ANO1: variants seen among roughly 807,000 people sequenced by gnomAD.
ANO1 encodes the protein anoctamin-1.
A neutral mutation model predicts 124.0 loss-of-function variants in ANO1; 59 were observed. The observed-to-expected ratio is 0.48, with a 90% CI of 0.39 to 0.59. ANO1 has a LOEUF of 0.59. ANO1 is among the 20% of genes least tolerant of loss of function. The pLI is 0.00. For synonymous variants in ANO1, 529 were observed against 532.0 expected (o/e 0.99, Z 0.08); for missense variants, 1,059 against 1,328.0 (o/e 0.80, Z 3.15).
intron 1 of ANO1, among the ~76,000 whole-genome samples, chr11:70,033,919 T>C (rs552069379): frequency 1.3e-5 from 2 of 152,064 alleles, no homozygotes; most frequent in African/African-American, 2.4e-5. Context: ...ATCTTGACCA[T>C]CTGCTGTCAC....
intron 21 of ANO1, among the ~76,000 whole-genome samples, chr11:70,167,984 A>G (rs1054061375): frequency 1.3e-5 from 2 of 152,186 alleles, no homozygotes; most frequent in Non-Finnish European, 2.9e-5. Flanking sequence ...GGCTGGCGAC[A>G]GCTGCCCCCA....
intron 1 of ANO1, among the ~76,000 whole-genome samples, chr11:70,014,012 A>G (rs1476419427): frequency 6.6e-6 from 1 of 151,406 alleles, no homozygotes; most frequent in African/African-American, 2.4e-5. Flanking sequence ...AGAGAGAGAG[A>G]GAGAGAGATC....
chr11:70,124,793 G>A (rs1414411978), intron 9 of ANO1, among the ~76,000 whole-genome samples: 1 of 152,236 alleles, frequency 6.6e-6, no homozygotes, highest in Non-Finnish European at 1.5e-5. Context: ...TCACAGGGCA[G>A]GAAGGAGGGG....
At chr11:70,157,778 G>A (rs958103813) in intron 16 of ANO1, among the ~76,000 whole-genome samples, 1 of 152,096 alleles carries the variant, frequency 6.6e-6, no homozygotes, top group African/African-American at 2.4e-5. Context: ...GATTGCTTGA[G>A]CTTAAGAGTT....
intron 1 of ANO1, among the ~76,000 whole-genome samples, chr11:70,029,755 C>T (rs1172549644): frequency 1.3e-5 from 2 of 152,322 alleles, no homozygotes; most frequent in South Asian, 4.1e-4. Flanking sequence ...GAGCAGGCCA[C>T]ACTCCCTCTA....
At chr11:70,175,325 C>A (rs1463625966) in intron 22 of ANO1, among the ~76,000 whole-genome samples, 1 of 152,260 alleles carries the variant, frequency 6.6e-6, no homozygotes, top group Non-Finnish European at 1.5e-5. Flanking sequence ...CCTCCTTTCA[C>A]GAGTTTGTTT....
intron 14 of ANO1, among the ~76,000 whole-genome samples, chr11:70,153,513 C>T (rs975545394): frequency 1.9e-4 from 29 of 152,184 alleles, no homozygotes; most frequent in African/African-American, 7.0e-4. Context: ...CAGTACACCC[C>T]TCCTGTTCTA....
chr11:70,023,337 A>G (rs1856838797), intron 1 of ANO1, among the ~76,000 whole-genome samples: 1 of 152,230 alleles, frequency 6.6e-6, no homozygotes, highest in Admixed American at 6.5e-5. Flanking sequence ...AGTCAGACTC[A>G]GTCTCTGCCC....
chr11:70,135,845 G>T (rs1227196814), intron 11 of ANO1, among the ~76,000 whole-genome samples: 4 of 152,218 alleles, frequency 2.6e-5, no homozygotes, highest in African/African-American at 7.2e-5. Context: ...TGTGATAAGC[G>T]CCTGTTGCGG....
intron 25 of ANO1, among the ~76,000 whole-genome samples, chr11:70,186,468 G>C (rs987745896): frequency 2.6e-5 from 4 of 152,164 alleles, no homozygotes; most frequent in Admixed American, 2.6e-4. Flanking sequence ...GTAGCAGGCA[G>C]AGTCAGGACA....
the ANO1 span, among the ~76,000 whole-genome samples, chr11:69,966,764 G>C: frequency 6.6e-6 from 1 of 152,194 alleles, no homozygotes; most frequent in Non-Finnish European, 1.5e-5. Flanking sequence ...AGAGAGCATG[G>C]GGAGGACCCA....
chr11:69,972,570 A>G, the ANO1 span, among the ~76,000 whole-genome samples: 2 of 152,186 alleles, frequency 1.3e-5, no homozygotes, highest in Non-Finnish European at 2.9e-5. Flanking sequence ...GAGCTGTGAA[A>G]CAATTCATGA....
chr11:70,184,387 T>G (rs1389105374), intron 24 of ANO1, among the ~76,000 whole-genome samples: 1 of 152,118 alleles, frequency 6.6e-6, no homozygotes, highest in African/African-American at 2.4e-5. Context: ...GGGGCAAGCC[T>G]CCTTCCTGAG....
At position 70,069,093 on chromosome 11, in the gene ANO1, C is replaced by T. The variant is rs532413989; in HGVS notation, c.59-9449C>T. Among the ~76,000 whole-genome samples, 29 of 152,368 alleles carry T rather than the reference C, an allele frequency of 1.9e-4. No homozygotes were observed. In the South Asian group the frequency reaches 5.8e-3, roughly 31 times the overall value. On this transcript the variant is annotated intron_variant, in intron 1 of 27. Coordinates refer to the ANO1 transcript ENST00000531349. ...GTGAAACAAGCCATATGAATCCACT[C>T]ACAGAGGGCCCGGGGCCATCTCTGA...
rs575828956 is a variant in ANO1, at chr11:69,986,730, C to T, written c.58+564C>T. Among the ~76,000 whole-genome samples, 6 of 152,274 alleles carry T rather than the reference C, an allele frequency of 3.9e-5. No individual in the cohort carries two copies. The East Asian group carries it at 7.7e-4, about 20-fold the overall frequency. On this transcript the variant is annotated intron_variant, in intron 1 of 27. Transcript: ENST00000531349. ...GGGGGAGTCCCTGACTTCCTCCCCC[C>T]TGGCTGCACATAAATCACCACCCAG...
At position 70,156,977 on chromosome 11, in the gene ANO1, C is replaced by A; in HGVS notation, c.1534C>A (p.Arg512=). 4 of 1,613,594 alleles carry A rather than the reference C, an allele frequency of 2.5e-6. No homozygotes were observed. Among genetic ancestry groups the A allele is most frequent in the Non-Finnish European group, 3.4e-6 (4 of 1,179,784 alleles). ...CAAAGTGAAGCTGACATGGAGAGATCGGTTCCCAGCCTACCTCACTAACTT... is the reference window on the plus strand; with the variant it reads ...CAAAGTGAAGCTGACATGGAGAGATAGGTTCCCAGCCTACCTCACTAACTT... ...TDKVKLTWRD[R]FPAYLTNLVS... is the part of the protein sequence containing the mutation. The change falls in exon 16 of 26, where the codon CGG becomes AGG. Residue 512 remains arginine, a synonymous_variant. Transcript: ENST00000355303.
intron 11 of ANO1, among the ~76,000 whole-genome samples, chr11:70,138,643 C>T (rs1034965788): frequency 1.3e-5 from 2 of 152,210 alleles, no homozygotes; most frequent in Non-Finnish European, 2.9e-5. Context: ...TCTATGACCC[C>T]ATCTGGCAGA....
Position 70,189,212 on chromosome 11 carries a change from C to G in ANO1, c.*1208C>G, listed in dbSNP as rs566981707. Reference sequence around the variant, plus strand: ...AAGAGAAACATCATTTTAGCAAAGGCCAGGAGGAAAAATAGAAATAAATTT... The same window carrying G: ...AAGAGAAACATCATTTTAGCAAAGGGCAGGAGGAAAAATAGAAATAAATTT... On this transcript the variant is annotated 3_prime_UTR_variant, in exon 26 of 26. Transcript: ENST00000355303. 1 of 152,566 alleles carries G rather than the reference C, an allele frequency of 6.6e-6. No homozygotes were observed. The highest frequency in any genetic ancestry group is 2.1e-4 in the South Asian group (1 of 4,816). 9.5% of individuals were successfully genotyped at this position (152,566 alleles called of 1,614,324 possible). A position where few individuals can be genotyped will look rare whatever the true frequency, so the allele number is the denominator to read the frequency against.
In ANO1 at chr11:70,186,351, G is replaced by GAA. The variant is rs1565291195; in HGVS notation, c.2694+656_2694+657insAA. ...GGAGGAGGAGGACGAGGAGGGGGAGGGAGGAAGGAAGGAAGGAAGGAAGGA... is the reference window on the plus strand; with the variant it reads ...GGAGGAGGAGGACGAGGAGGGGGAGGAAGAGGAAGGAAGGAAGGAAGGAAGGA... On this transcript the variant is annotated intron_variant, in intron 25 of 25. Coordinates refer to ENST00000355303, the MANE Select transcript of ANO1 (RefSeq NM_018043.7). Among the ~76,000 whole-genome samples the GAA allele has an allele frequency of 1.5e-3, 207 of 140,378 alleles. 1 individual carries two copies. Among genetic ancestry groups the GAA allele is most frequent in the African/African-American group, 5.0e-3 (188 of 37,880 alleles). The allele number at this position is 140,378 out of a possible 152,430, so 92.1% of individuals were successfully genotyped here. A position where few individuals can be genotyped will look rare whatever the true frequency, so the allele number is the denominator to read the frequency against.
Sources: gnomAD v4.1 joint callset for allele counts (sites outside exome capture counted in the v4.1 genomes callset) on GRCh38, gnomAD v4.1.1 for gene constraint, MANE v1.5 for transcripts, NCBI Gene and HGNC (gene_info 2026-07-23, HGNC 2026-07-21) for gene names.